The following ARGLU1 variants were observed in gnomAD, a reference collection of about 807,000 sequenced individuals.
ARGLU1 encodes the protein arginine and glutamate rich 1, also known as arginine and glutamate-rich protein 1.
In ARGLU1, 9 loss-of-function variants were observed where a neutral mutation model predicts 37.6. The ratio of observed to expected loss-of-function variants is 0.24; its 90% CI spans 0.14 to 0.42. The LOEUF (loss-of-function observed/expected upper bound fraction) is 0.42. Ranked by LOEUF, ARGLU1 falls within the 10% of genes least tolerant of loss-of-function variation. The pLI is 1.00. For missense variants in ARGLU1, 211 were observed against 359.2 expected, an observed-to-expected ratio of 0.59 and a Z score of 3.34; for synonymous variants, 166 against 138.5, an observed-to-expected ratio of 1.20 and a Z score of -1.39.
intron 3 of ARGLU1, among the ~76,000 whole-genome samples, chr13:106,556,332 C>G (rs531121448): frequency 1.3e-5 from 2 of 152,174 alleles, no homozygotes; most frequent in Admixed American, 1.3e-4. Flanking sequence ...TATCTCTTAT[C>G]CAGAGTACTC....
At chr13:106,553,600 T>C (rs1451497271) in intron 3 of ARGLU1, among the ~76,000 whole-genome samples, 1 of 152,160 alleles carries the variant, frequency 6.6e-6, no homozygotes, top group Non-Finnish European at 1.5e-5. Flanking sequence ...CAGGACACTA[T>C]GAAAAACAAT....
In ARGLU1 at chr13:106,544,144, C is replaced by A; in HGVS notation, c.674G>T (p.Arg225Ile). 1.3e-6 allele frequency: 2 copies of A among 1,572,214 alleles called. No homozygotes were observed. The highest frequency in any genetic ancestry group is 2.0e-5 in the Admixed American group (1 of 49,696). ...AATCTTTCTTTGTTCTTCAACAATT[C>A]TCAACTGTTCTTCGGCCTGAAAGTT... ...AQAKLAEEQL[R>I]IVEEQRKIHE... Residue 225 changes from arginine (R) to isoleucine (I), a missense_variant, in exon 4 of 4, where the codon AGA becomes ATA. Arg to Ile is a moderately conservative substitution (Grantham distance 97, BLOSUM62 -3). Around this residue, in one of 3 missense-constraint regions of ARGLU1, gnomAD observed 80 missense variants for 158.4 expected, o/e 0.51. Coordinates refer to ENST00000400198, the MANE Select transcript of ARGLU1 (RefSeq NM_018011.4).
At chr13:106,563,868 T>C (rs1880885438) in intron 1 of ARGLU1, among the ~76,000 whole-genome samples, 1 of 152,202 alleles carries the variant, frequency 6.6e-6, no homozygotes, top group Non-Finnish European at 1.5e-5. Flanking sequence ...TAATCCGTCA[T>C]CCAGTTGAAC....
rs762547248 is a variant in ARGLU1, at chr13:106,543,983, CAG to C, written c.*11_*12del. The C allele has an allele frequency of 4.6e-5, 72 of 1,575,404 alleles. 1 individual carries two copies. The highest frequency in any genetic ancestry group is 6.0e-5 in the Non-Finnish European group (70 of 1,167,910). Reference sequence around the variant, plus strand: ...TTTCCATTTTTCTTTGTAAAAAGTTCAGAGTTTGCAATTTAATCCTGGGTTTT... The same window carrying C: ...TTTCCATTTTTCTTTGTAAAAAGTTCAGTTTGCAATTTAATCCTGGGTTTT... On this transcript the variant is annotated 3_prime_UTR_variant, in exon 4 of 4. Coordinates refer to ENST00000400198, the MANE Select transcript of ARGLU1 (RefSeq NM_018011.4).
rs138895941 is a variant in ARGLU1 at position 106,546,905 on chromosome 13, G to A, written c.658-2745C>T. Among the ~76,000 whole-genome samples the A allele has an allele frequency of 3.2e-3, 483 of 152,228 alleles. 3 individuals carry two copies. The highest frequency in any genetic ancestry group is 0.011 in the African/African-American group (459 of 41,526). On this transcript the variant is annotated intron_variant, in intron 3 of 3. Coordinates refer to ENST00000400198, the MANE Select transcript of ARGLU1 (RefSeq NM_018011.4). ...TGTGGTTTCAGTATGTCCCCCAAAG[G>A]TCGCTGTTAGAATTAACTGGCATTG...
chr13:106,544,236 C>A (rs1880334602), intron 3 of ARGLU1, 76 bp from the exon 4 acceptor site: 1 of 1,323,174 alleles, frequency 7.6e-7, no homozygotes, highest in Non-Finnish European at 1.0e-6. Context: ...CAGGTGTTAT[C>A]TATTATGTAT....
rs79788067 is a variant in ARGLU1, at chr13:106,545,934, C to T, written c.658-1774G>A. Among the ~76,000 whole-genome samples the T allele has an allele frequency of 3.5e-3, 534 of 152,306 alleles. 4 individuals carry two copies. Among genetic ancestry groups the T allele is most frequent in the African/African-American group, 0.012 (518 of 41,560 alleles). On this transcript the variant is annotated intron_variant, in intron 3 of 3. Coordinates refer to ENST00000400198, the MANE Select transcript of ARGLU1 (RefSeq NM_018011.4). The stretch of plus-strand genomic sequence containing the variant: ...AGACCTGGCTACTGGACACATCCAC[C>T]TGGGAGACCTAGGACTTGCTTCAAA...
At chr13:106,564,794 A>T (rs968412019) in intron 1 of ARGLU1, among the ~76,000 whole-genome samples, 1 of 152,194 alleles carries the variant, frequency 6.6e-6, no homozygotes, top group Admixed American at 6.5e-5. Context: ...ATCCAAAACT[A>T]GTGCTCACAG....
chr13:106,552,995 C>A (rs1189268477), intron 3 of ARGLU1, among the ~76,000 whole-genome samples: 2 of 152,162 alleles, frequency 1.3e-5, no homozygotes, highest in Non-Finnish European at 2.9e-5. Flanking sequence ...GCTAGGCTAA[C>A]ACATTCCTTA....
intron 1 of ARGLU1, among the ~76,000 whole-genome samples, chr13:106,563,769 C>A (rs1398168230): frequency 6.6e-6 from 1 of 152,210 alleles, no homozygotes; most frequent in Non-Finnish European, 1.5e-5. Context: ...AAAAGCTCTT[C>A]TTTGCTCTCA....
At chr13:106,551,457 G>A (rs192417532) in intron 3 of ARGLU1, among the ~76,000 whole-genome samples, 1 of 152,302 alleles carries the variant, frequency 6.6e-6, no homozygotes, top group East Asian at 1.9e-4. Context: ...CTAACCAGAA[G>A]CACCTTTAAA....
chr13:106,559,303 G>C (rs767407538), intron 2 of ARGLU1, 129 bp downstream of exon 2: 2 of 1,542,204 alleles, frequency 1.3e-6, no homozygotes, highest in South Asian at 1.2e-5. Flanking sequence ...TCGCAGCAAT[G>C]TTAAGTTTAG....
At position 106,557,699 on chromosome 13, in the gene ARGLU1, G is replaced by C. The variant is rs949594519; in HGVS notation, c.574-568C>G. On this transcript the variant is annotated intron_variant, in intron 2 of 3. Transcript: ENST00000400198. This position sits in a 1 kb window ranked among gnomAD's most constrained non-coding sequence, Gnocchi z 5.0. ...TATAAAGAAACAACATACAAGGAAG[G>C]CTGAGCTGAGGAATGCAGATGTTTA... 8 of 1,527,398 alleles carry C rather than the reference G, an allele frequency of 5.2e-6. No individual in the cohort carries two copies. Among genetic ancestry groups the C allele is most frequent in the African/African-American group, 1.4e-5 (1 of 72,696 alleles). The allele number at this position is 1,527,398 out of a possible 1,614,324, so 94.6% of individuals were successfully genotyped here.
intron 1 of ARGLU1, among the ~76,000 whole-genome samples, chr13:106,561,461 A>T (rs1050604318): frequency 4.2e-5 from 6 of 142,112 alleles, no homozygotes; most frequent in Non-Finnish European, 9.2e-5. Flanking sequence ...ACACACACAC[A>T]CTTTTGCTAG....
intron 2 of ARGLU1, chr13:106,559,012 C>G (rs1880727304): frequency 1.0e-6 from 1 of 985,306 alleles, no homozygotes; most frequent in African/African-American, 1.7e-5. Context: ...TCTTTTTAAT[C>G]TGACTGAAGG....
chr13:106,548,910 G>A (rs774591704), intron 3 of ARGLU1, among the ~76,000 whole-genome samples: 8 of 152,046 alleles, frequency 5.3e-5, no homozygotes, highest in South Asian at 4.1e-4. Flanking sequence ...CACAACGCCC[G>A]GCTCCTTTTT....
intron 3 of ARGLU1, among the ~76,000 whole-genome samples, chr13:106,550,628 C>A (rs573298872): frequency 9.2e-5 from 14 of 152,274 alleles, no homozygotes; most frequent in African/African-American, 3.4e-4. Context: ...CTGTAACAAA[C>A]TGCAACTGGA....
intron 1 of ARGLU1, among the ~76,000 whole-genome samples, chr13:106,564,853 T>TA (rs1305572205): frequency 6.6e-6 from 1 of 152,202 alleles, no homozygotes; most frequent in Non-Finnish European, 1.5e-5. Context: ...ATCCACTATT[T>TA]AAAAAGTTTC....
At chr13:106,558,998 C>T (rs767346454) in intron 2 of ARGLU1, 13 of 985,264 alleles carry the variant, frequency 1.3e-5, no homozygotes, top group Non-Finnish European at 1.6e-5. Context: ...ATGTTAGGCC[C>T]TGCTCTTTTT....
Sources: gnomAD v4.1 joint callset for allele counts (sites outside exome capture counted in the v4.1 genomes callset) on GRCh38, gnomAD v4.1.1 for gene constraint, gnomAD v4.1.1 regional missense constraint, Gnocchi (gnomAD v3.1) non-coding constraint, MANE v1.5 for transcripts, NCBI Gene and HGNC (gene_info 2026-07-23, HGNC 2026-07-21) for gene names.